GANC: variants seen among roughly 807,000 people sequenced by gnomAD.
GANC encodes the protein glucosidase alpha, neutral C, also known as neutral alpha-glucosidase C.
In GANC, 117 loss-of-function variants were observed where a neutral mutation model predicts 124.2. That is an observed-to-expected ratio of 0.94 (90% confidence interval 0.81 to 1.10). The LOEUF is 1.10. Among genes scored for constraint, GANC ranks in the 50% least tolerant of loss-of-function variants. The pLI, the probability that GANC is intolerant of heterozygous loss-of-function variation, is 0.00. For missense variants in GANC, 1,140 were observed against 1,095.0 expected, an observed-to-expected ratio of 1.04 and a Z score of -0.58; for synonymous variants, 377 against 376.8, an observed-to-expected ratio of 1.00 and a Z score of -0.01.
intron 3 of GANC, among the ~76,000 whole-genome samples, chr15:42,285,653 G>A (rs1595763699): frequency 6.6e-6 from 1 of 152,088 alleles, no homozygotes; most frequent in South Asian, 2.1e-4. Flanking sequence ...AAATTAGCCT[G>A]GTGTGATGGC....
At position 42,274,420 on chromosome 15, in the gene GANC, TAA is replaced by T. The variant is rs2051631688; in HGVS notation, c.-59_-58del. On this transcript the variant is annotated 5_prime_UTR_variant, in exon 1 of 24. An upstream open reading frame in the 5' UTR loses its in-frame stop. Coordinates refer to ENST00000318010, the MANE Select transcript of GANC (RefSeq NM_198141.3). ...TAGAAAGACACCCAATCGGCTTTTT[TAA>T]AAGATCGCCCAGGGCCCTTGTCCTG... The T allele has an allele frequency of 1.3e-6, 2 of 1,575,680 alleles. No individual in the cohort carries two copies. Among genetic ancestry groups the T allele is most frequent in the African/African-American group, 2.7e-5 (2 of 74,034 alleles).
At chr15:42,307,768 T>TAGTC (rs1294849915) in intron 7 of GANC, among the ~76,000 whole-genome samples, 3 of 152,104 alleles carry the variant, frequency 2.0e-5, no homozygotes, top group Non-Finnish European at 4.4e-5. Context: ...TCCCTGTAGG[T>TAGTC]AGTCACAGAC....
intron 18 of GANC, among the ~76,000 whole-genome samples, chr15:42,342,247 T>C (rs2052333522): frequency 6.6e-6 from 1 of 152,168 alleles, no homozygotes; most frequent in Non-Finnish European, 1.5e-5. Context: ...TACATACGTG[T>C]TGTGCCAAAG....
chr15:42,285,337 CCA>C (rs1470834805), intron 3 of GANC, among the ~76,000 whole-genome samples: 3 of 152,108 alleles, frequency 2.0e-5, no homozygotes, highest in Non-Finnish European at 4.4e-5. Context: ...GAGCCATTCC[CCA>C]CTGTCTTTAA....
At chr15:42,311,514 A>T (rs1457073526) in intron 10 of GANC, among the ~76,000 whole-genome samples, 1 of 152,228 alleles carries the variant, frequency 6.6e-6, no homozygotes, top group Non-Finnish European at 1.5e-5. Context: ...TGGGCAATTT[A>T]TAAAGAAAAT....
At chr15:42,320,824 C>G (rs1357646159) in intron 10 of GANC, among the ~76,000 whole-genome samples, 3 of 152,176 alleles carry the variant, frequency 2.0e-5, no homozygotes, top group Admixed American at 6.5e-5. Context: ...GGCATGTCTA[C>G]TGGTGTTTGG....
At chr15:42,278,718 G>A in intron 3 of GANC, 128 bp downstream of exon 3, 1 of 625,178 alleles carries the variant, frequency 1.6e-6, no homozygotes, top group Non-Finnish European at 2.7e-6. Context: ...GCCTTTTAGT[G>A]ATTAGTGGCT....
intron 22 of GANC, 42 bp from the exon 23 acceptor site, chr15:42,351,287 C>T: frequency 6.8e-7 from 1 of 1,472,596 alleles, no homozygotes. Flanking sequence ...CCACTTCAAA[C>T]CCCCATCCCT....
intron 16 of GANC, among the ~76,000 whole-genome samples, chr15:42,338,771 C>CGA (rs1232656718): frequency 6.6e-6 from 1 of 151,076 alleles, no homozygotes; most frequent in African/African-American, 2.4e-5. Context: ...CTCTTGATAA[C>CGA]TAAGTTTCTC....
intron 6 of GANC, among the ~76,000 whole-genome samples, chr15:42,297,864 A>G (rs1008404022): frequency 6.6e-6 from 1 of 151,120 alleles, no homozygotes; most frequent in African/African-American, 2.4e-5. Flanking sequence ...TTCATTCATA[A>G]AAACAGATGC....
chr15:42,311,418 T>G (rs758449682), intron 10 of GANC, among the ~76,000 whole-genome samples: 2 of 152,172 alleles, frequency 1.3e-5, no homozygotes, highest in Non-Finnish European at 2.9e-5. Context: ...AAAAAATTAC[T>G]AGAGGTAGTA....
chr15:42,318,887 C>T (rs984990584), intron 10 of GANC, among the ~76,000 whole-genome samples: 1 of 152,192 alleles, frequency 6.6e-6, no homozygotes, highest in African/African-American at 2.4e-5. Context: ...AGCCACCATG[C>T]CTGGCCCTAG....
In GANC at chr15:42,273,416, G is replaced by C; in HGVS notation, c.-1066G>C. 1.9e-6 allele frequency: 3 copies of C among 1,613,522 alleles called. No homozygotes were observed. The highest frequency in any genetic ancestry group is 2.5e-6 in the Non-Finnish European group (3 of 1,179,914). On this transcript the variant is annotated 5_prime_UTR_variant, in exon 1 of 24. Transcript: ENST00000318010. The stretch of plus-strand genomic sequence containing the variant: ...GCCGCCATCTTCACAGCCGTGGAGT[G>C]CCTACCGAAAGCATTTCACCCTCTT...
intron 8 of GANC, among the ~76,000 whole-genome samples, chr15:42,309,941 C>T (rs1407463684): frequency 6.6e-6 from 1 of 151,978 alleles, no homozygotes; most frequent in Non-Finnish European, 1.5e-5. Flanking sequence ...AACTGCTGAC[C>T]CTGGAAGGTA....
At chr15:42,287,143 C>T (rs1292727680) in intron 3 of GANC, among the ~76,000 whole-genome samples, 1 of 152,202 alleles carries the variant, frequency 6.6e-6, no homozygotes, top group Non-Finnish European at 1.5e-5. Context: ...ATTTTCCCAG[C>T]TGTGAAAAAT....
intron 15 of GANC, 61 bp from the exon 16 acceptor site, chr15:42,338,328 A>AT (rs2052299685): frequency 8.9e-7 from 1 of 1,123,500 alleles, no homozygotes; most frequent in African/African-American, 1.6e-5. Flanking sequence ...AGGAATCTAC[A>AT]TAGGAAATTG....
At chr15:42,291,563 A>G (rs192739106) in intron 4 of GANC, among the ~76,000 whole-genome samples, 27 of 152,298 alleles carry the variant, frequency 1.8e-4, no homozygotes, top group African/African-American at 6.5e-4. Flanking sequence ...CTTGGAAAGC[A>G]TTGTAGTGAA....
rs1160329000 is a variant in GANC at position 42,327,413 on chromosome 15, T to A, written c.1471T>A (p.Ser491Thr). 1.2e-6 allele frequency: 2 copies of A among 1,613,526 alleles called. No individual in the cohort carries two copies. The highest frequency in any genetic ancestry group is 2.7e-5 in the African/African-American group (2 of 74,926). The change falls in exon 13 of 24, where the codon TCA (serine) becomes ACA (threonine). Residue 491 changes from serine to threonine, a missense_variant. Ser to Thr is a moderately conservative substitution (Grantham distance 58). Transcript: ENST00000318010. Reference protein sequence around the residue: ...FTNPKVREWYSSLFAFPVYQG... With the variant: ...FTNPKVREWYTSLFAFPVYQG... ...CAATCCCAAGGTCAGAGAGTGGTAT[T>A]CAAGTCTTTTTGCTTTCCCTGTTTA...
chr15:42,290,286 C>A (rs914754065), intron 4 of GANC, among the ~76,000 whole-genome samples: 1 of 152,222 alleles, frequency 6.6e-6, no homozygotes, highest in Non-Finnish European at 1.5e-5. Flanking sequence ...TACAACTTCA[C>A]TGAAGAGTTT....
Sources: gnomAD v4.1 joint callset for allele counts (sites outside exome capture counted in the v4.1 genomes callset) on GRCh38, gnomAD v4.1.1 for gene constraint, MANE v1.5 for transcripts, NCBI Gene and HGNC (gene_info 2026-07-23, HGNC 2026-07-21) for gene names.